Variants in TXNDC16 observed in about 807,000 individuals in gnomAD.
TXNDC16 encodes thioredoxin domain-containing protein 16.
In TXNDC16, 74 loss-of-function variants were observed where a neutral mutation model predicts 85.6. The observed-to-expected ratio is 0.86, with a 90% confidence interval of 0.72 to 1.05. The LOEUF (loss-of-function observed/expected upper bound fraction) is 1.05, where lower values mean the gene tolerates loss of function less well. Among genes scored for constraint, TXNDC16 ranks in the 50% least tolerant of loss-of-function variants. The pLI, the probability that TXNDC16 is intolerant of heterozygous loss-of-function variation, is 0.00. For missense variants in TXNDC16, 959 were observed against 947.0 expected, an observed-to-expected ratio of 1.01 and a Z score of -0.17; for synonymous variants, 335 against 326.5, an observed-to-expected ratio of 1.03 and a Z score of -0.28.
At chr14:52,532,477 C>T (rs2037604488) in intron 6 of TXNDC16, among the ~76,000 whole-genome samples, 1 of 151,934 alleles carries the variant, frequency 6.6e-6, no homozygotes, top group African/African-American at 2.4e-5. Flanking sequence ...CAGTCTGTCA[C>T]CCAGGTTGGA....
At chr14:52,480,975 GTATATATATATA>G (rs141877325) in intron 14 of TXNDC16, among the ~76,000 whole-genome samples, 11 of 134,992 alleles carry the variant, frequency 8.1e-5, no homozygotes, top group African/African-American at 2.0e-4. Context: ...ATATATATAT[GTATATATATATA>G]TATATATATA....
intron 9 of TXNDC16, among the ~76,000 whole-genome samples, chr14:52,497,351 GA>G (rs1229911719): frequency 6.6e-6 from 1 of 152,012 alleles, no homozygotes; most frequent in African/African-American, 2.4e-5. Flanking sequence ...TCCCAACAAA[GA>G]AAAGTCCAGG....
At chr14:52,446,578 A>G (rs1330910191) in intron 18 of TXNDC16, among the ~76,000 whole-genome samples, 1 of 152,132 alleles carries the variant, frequency 6.6e-6, no homozygotes, top group Non-Finnish European at 1.5e-5. Context: ...TGACCTACTG[A>G]GATACCAGCC....
intron 18 of TXNDC16, among the ~76,000 whole-genome samples, chr14:52,449,015 T>C (rs2035347834): frequency 6.6e-6 from 1 of 151,750 alleles, no homozygotes; most frequent in Non-Finnish European, 1.5e-5. Context: ...TCACCTTCAC[T>C]AAAAAGATGA....
At chr14:52,551,034 C>G (rs1218656246) in intron 1 of TXNDC16, among the ~76,000 whole-genome samples, 1 of 152,178 alleles carries the variant, frequency 6.6e-6, no homozygotes, top group African/African-American at 2.4e-5. Flanking sequence ...CTCTCATACA[C>G]TGCACTCTCT....
chr14:52,531,083 A>T (rs959723461), intron 6 of TXNDC16, among the ~76,000 whole-genome samples: 1 of 152,244 alleles, frequency 6.6e-6, no homozygotes, highest in African/African-American at 2.4e-5. Context: ...CATCCTCCAC[A>T]TCATAAGTCA....
intron 18 of TXNDC16, among the ~76,000 whole-genome samples, chr14:52,446,917 T>C (rs937732957): frequency 3.3e-5 from 5 of 151,890 alleles, no homozygotes; most frequent in African/African-American, 4.8e-5. Flanking sequence ...AGGTAGTACA[T>C]TGTAGGACTT....
intron 14 of TXNDC16, among the ~76,000 whole-genome samples, chr14:52,471,357 C>T (rs1374101096): frequency 2.0e-5 from 3 of 152,134 alleles, no homozygotes; most frequent in Non-Finnish European, 2.9e-5. Context: ...GCTTCTAATT[C>T]GCCTCTTTGA....
At chr14:52,549,936 C>T (rs2038012589) in intron 1 of TXNDC16, among the ~76,000 whole-genome samples, 2 of 152,142 alleles carry the variant, frequency 1.3e-5, no homozygotes, top group South Asian at 4.1e-4. Flanking sequence ...CATGCCCGAC[C>T]CAAACAGTTC....
intron 9 of TXNDC16, among the ~76,000 whole-genome samples, chr14:52,500,887 AT>A (rs2036642722): frequency 6.6e-6 from 1 of 152,194 alleles, no homozygotes; most frequent in Non-Finnish European, 1.5e-5. Flanking sequence ...TTTATTAGAT[AT>A]TTGCACTTGA....
intron 9 of TXNDC16, among the ~76,000 whole-genome samples, chr14:52,505,149 T>A (rs944848276): frequency 6.6e-6 from 1 of 152,086 alleles, no homozygotes; most frequent in African/African-American, 2.4e-5. Context: ...ACTGTCAACA[T>A]TAGACAGATC....
chr14:52,464,186 ATT>A (rs1001266147), intron 16 of TXNDC16, among the ~76,000 whole-genome samples: 2 of 152,224 alleles, frequency 1.3e-5, no homozygotes, highest in Non-Finnish European at 2.9e-5. Flanking sequence ...TCTTTTCAAT[ATT>A]TGAATTAGGA....
chr14:52,491,034 T>C (rs74892056), intron 9 of TXNDC16, 29 bp from the exon 10 acceptor site: 11 of 1,406,194 alleles, frequency 7.8e-6, no homozygotes, highest in East Asian at 2.3e-5. Flanking sequence ...AAAAAAAAGG[T>C]GTGATAACAA....
At chr14:52,435,912 G>C (rs1030456848) in intron 20 of TXNDC16, among the ~76,000 whole-genome samples, 2 of 151,994 alleles carry the variant, frequency 1.3e-5, no homozygotes, top group African/African-American at 2.4e-5. Flanking sequence ...CCAGGAGTTC[G>C]GGGCTGTAGT....
intron 1 of TXNDC16, among the ~76,000 whole-genome samples, chr14:52,545,667 A>T (rs2037926283): frequency 1.3e-5 from 2 of 152,234 alleles, no homozygotes; most frequent in South Asian, 4.1e-4. Flanking sequence ...AACCAAGTTT[A>T]TTGAAAATAG....
intron 10 of TXNDC16, 107 bp from the exon 11 acceptor site, chr14:52,490,558 A>T: frequency 1.1e-6 from 1 of 922,104 alleles, no homozygotes; most frequent in Non-Finnish European, 1.6e-6. Context: ...AAAATTATGA[A>T]AAAATATTAC....
rs574163484 is a variant in TXNDC16 at position 52,491,089 on chromosome 14, A to G, written c.757-84T>C. 2.2e-5 allele frequency: 32 copies of G among 1,425,230 alleles called. No homozygotes were observed. The East Asian group carries it at 4.8e-4, about 21-fold the overall frequency. The allele number at this position is 1,425,230 out of a possible 1,614,324, so 88.3% of individuals were successfully genotyped here. On this transcript the variant is annotated intron_variant, in intron 9 of 20. Coordinates refer to ENST00000281741, the MANE Select transcript of TXNDC16 (RefSeq NM_020784.3). ...AAATTCTCCTAATTCTTATTAATAAAGTCATGAGTAAAAAAAAGTGTAAAA... is the reference window on the plus strand; with the variant it reads ...AAATTCTCCTAATTCTTATTAATAAGGTCATGAGTAAAAAAAAGTGTAAAA...
At chr14:52,492,761 G>A (rs1484914618) in intron 9 of TXNDC16, among the ~76,000 whole-genome samples, 1 of 152,140 alleles carries the variant, frequency 6.6e-6, no homozygotes, top group Non-Finnish European at 1.5e-5. Flanking sequence ...GGGCAGAAAT[G>A]TCAAGGGCAG....
Position 52,432,140 on chromosome 14 carries a change from T to G in TXNDC16, c.*164A>C, listed in dbSNP as rs968954953. 7 of 578,778 alleles carry G rather than the reference T, an allele frequency of 1.2e-5. No homozygotes were observed. The highest frequency in any genetic ancestry group is 1.9e-5 in the Non-Finnish European group (7 of 369,476). The allele number at this position is 578,778 out of a possible 1,614,324, so 35.9% of individuals were successfully genotyped here. On this transcript the variant is annotated 3_prime_UTR_variant, in exon 21 of 21. Transcript: ENST00000281741. ...TTTTGCCCTGCTCACTTTTACTTTG[T>G]TTAATGTAGTTACTAGAAAATTTTA...
Sources: gnomAD v4.1 joint callset for allele counts (sites outside exome capture counted in the v4.1 genomes callset) on GRCh38, gnomAD v4.1.1 for gene constraint, MANE v1.5 for transcripts, NCBI Gene and HGNC (gene_info 2026-07-23, HGNC 2026-07-21) for gene names.